The following CEACAM5 variants were observed in gnomAD, a reference collection of about 807,000 sequenced individuals.
CEACAM5 encodes CEA cell adhesion molecule 5.
A neutral mutation model predicts 63.0 loss-of-function variants in CEACAM5; 52 were observed. That is an observed-to-expected ratio of 0.83 (90% confidence interval 0.66 to 1.04). The LOEUF (loss-of-function observed/expected upper bound fraction) is 1.04, where lower values mean the gene tolerates loss of function less well. Ranked by LOEUF, CEACAM5 falls within the 50% of genes least tolerant of loss-of-function variation. The probability of loss-of-function intolerance (pLI) is 0.00; values close to 1 mark genes in which losing one functional copy is unlikely to be tolerated. For synonymous variants in CEACAM5, 357 were observed against 351.3 expected (o/e 1.02, Z -0.18); for missense variants, 790 against 864.8 (o/e 0.91, Z 1.08).
rs1393015249 is a variant in CEACAM5, at chr19:41,715,585, C to T, written c.704-65C>T. 7 of 1,592,940 alleles carry T rather than the reference C, an allele frequency of 4.4e-6. No individual in the cohort carries two copies. The Admixed American group carries it at 1.0e-4, about 23-fold the overall frequency. On this transcript the variant is annotated intron_variant, in intron 3 of 9. Transcript: ENST00000221992. ...GCTTAGAGGGACACTGTGGTCCTTC[C>T]ATAGACCAGGAACTTCCACTTCCCT...
chr19:41,715,669 C>A lies in CEACAM5; in HGVS notation c.723C>A (p.Thr241=), dbSNP rs139219178. Residue 241 remains threonine (T), a synonymous_variant, in exon 4 of 10, where the codon ACC becomes ACA. Transcript: ENST00000221992. ...CTCCAGATGGCCCGGATGCCCCCAC[C>A]ATTTCCCCTCTAAACACATCTTACA... ...LNVLYGPDAP[T]ISPLNTSYRS... 7 of 1,614,078 alleles carry A rather than the reference C, an allele frequency of 4.3e-6. No homozygotes were observed. Among genetic ancestry groups the A allele is most frequent in the African/African-American group, 2.7e-5 (2 of 74,918 alleles).
intron 8 of CEACAM5, among the ~76,000 whole-genome samples, chr19:41,726,629 C>T (rs117700915): frequency 1.2e-4 from 18 of 152,122 alleles, no homozygotes; most frequent in Admixed American, 7.9e-4. Flanking sequence ...CCTCAGACCA[C>T]GATGCAGATC....
chr19:41,725,559 C>T (rs1188800867), intron 8 of CEACAM5, among the ~76,000 whole-genome samples: 1 of 151,898 alleles, frequency 6.6e-6, no homozygotes, highest in Non-Finnish European at 1.5e-5. Flanking sequence ...ATTTTGTAGA[C>T]ACTGTGTCTG....
chr19:41,717,742 C>G lies in CEACAM5; in HGVS notation c.1237+9C>G. Reference sequence around the variant, plus strand: ...CATCCTGAATGTCCTCTGTGAGTATCTTCTGTTCCTCTGTGGCTCAGGCTG... The same window carrying G: ...CATCCTGAATGTCCTCTGTGAGTATGTTCTGTTCCTCTGTGGCTCAGGCTG... On this transcript the variant is annotated intron_variant, in intron 5 of 9. Transcript: ENST00000221992. 1 of 1,612,258 alleles carries G rather than the reference C, an allele frequency of 6.2e-7. No individual in the cohort carries two copies. The highest frequency in any genetic ancestry group is 8.5e-7 in the Non-Finnish European group (1 of 1,178,536).
chr19:41,710,223 A>C (rs1364046199), intron 2 of CEACAM5, 184 bp downstream of exon 2: 1 of 971,222 alleles, frequency 1.0e-6, no homozygotes, highest in African/African-American at 1.6e-5. Flanking sequence ...CCTTTCCGGC[A>C]TCCAGACCCT....
chr19:41,714,558 A>G (rs191911257), intron 2 of CEACAM5, among the ~76,000 whole-genome samples: 1 of 152,228 alleles, frequency 6.6e-6, no homozygotes, highest in African/African-American at 2.4e-5. Context: ...AAGGGAAACC[A>G]CAGAAAAAAT....
intron 8 of CEACAM5, among the ~76,000 whole-genome samples, chr19:41,724,976 A>T (rs2072678085): frequency 6.6e-6 from 1 of 151,966 alleles, no homozygotes; most frequent in South Asian, 2.1e-4. Flanking sequence ...TCTGGCTAGG[A>T]CTTCTAATAC....
chr19:41,726,629 C>G (rs117700915), intron 8 of CEACAM5, among the ~76,000 whole-genome samples: 281 of 152,240 alleles, frequency 1.8e-3, no homozygotes, highest in Admixed American at 5.6e-3. Context: ...CCTCAGACCA[C>G]GATGCAGATC....
intron 8 of CEACAM5, among the ~76,000 whole-genome samples, chr19:41,725,048 G>T (rs2072679113): frequency 6.6e-6 from 1 of 152,188 alleles, no homozygotes; most frequent in Non-Finnish European, 1.5e-5. Flanking sequence ...TACAGGGAAA[G>T]CTTTCAGTCT....
At position 41,718,138 on chromosome 19, in the gene CEACAM5, C is replaced by T. The variant is rs199557633; in HGVS notation, c.1248C>T (p.Asp416=). ...TTCTCTTTGCTCCAGATGGCCCAGA[C>T]GACCCCACCATTTCCCCCTCATACA... The part of the protein sequence containing the change: ...PVILNVLYGP[D]DPTISPSYTY... The change falls in exon 6 of 10, where the codon GAC becomes GAT. Residue 416 remains aspartate (D), a synonymous_variant. Transcript: ENST00000221992. 3.7e-5 allele frequency: 60 copies of T among 1,614,046 alleles called. No homozygotes were observed. The highest frequency in any genetic ancestry group is 1.6e-4 in the Middle Eastern group (1 of 6,084).
chr19:41,710,266 A>G (rs148007737), intron 2 of CEACAM5, among the ~76,000 whole-genome samples: 70 of 152,292 alleles, frequency 4.6e-4, no homozygotes, highest in African/African-American at 1.6e-3. Context: ...GGACAGTCTG[A>G]TGTGGGGGAC....
intron 4 of CEACAM5, 90 bp downstream of exon 4, chr19:41,715,994 A>C (rs1244801827): frequency 3.6e-5 from 54 of 1,491,702 alleles, no homozygotes; most frequent in Non-Finnish European, 4.9e-5. Context: ...TTTCTATCCC[A>C]GCCTGTGTCC....
At chr19:41,721,600 G>A (rs547422340) in intron 8 of CEACAM5, among the ~76,000 whole-genome samples, 1 of 152,378 alleles carries the variant, frequency 6.6e-6, no homozygotes, top group African/African-American at 2.4e-5. Flanking sequence ...TTCCCCAAAT[G>A]AGAGGAGGAA....
chr19:41,710,151 T>C, intron 2 of CEACAM5, 112 bp downstream of exon 2: 1 of 1,463,920 alleles, frequency 6.8e-7, no homozygotes. Context: ...CGCACCATGT[T>C]AGGGTTTGGG....
intron 8 of CEACAM5, among the ~76,000 whole-genome samples, chr19:41,722,970 C>G (rs2072647007): frequency 1.3e-5 from 2 of 152,080 alleles, no homozygotes; most frequent in African/African-American, 2.4e-5. Flanking sequence ...TGCACTGGCG[C>G]GATCTCGGCT....
intron 2 of CEACAM5, among the ~76,000 whole-genome samples, chr19:41,712,823 T>G (rs765858465): frequency 6.6e-6 from 1 of 152,206 alleles, no homozygotes; most frequent in Non-Finnish European, 1.5e-5. Context: ...TGGAAAAAAT[T>G]TAATGTTTCC....
chr19:41,709,558 A>T, intron 1 of CEACAM5, 122 bp from the exon 2 acceptor site: 1 of 1,458,136 alleles, frequency 6.9e-7, no homozygotes. Flanking sequence ...ACACACACAC[A>T]CACACACACT....
Position 41,727,233 on chromosome 19 carries a change from G to A in CEACAM5, c.2027-1G>A. On this transcript the variant is annotated splice_acceptor_variant, in intron 8 of 9. Coordinates refer to ENST00000221992, the MANE Select transcript of CEACAM5 (RefSeq NM_004363.6). LOFTEE classifies it high-confidence loss of function. The stretch of plus-strand genomic sequence containing the variant: ...TTTTCTTTCCATGACGGACGATTCA[G>A]CATCTGGAACTTCTCCTGGTCTCTC... 6.2e-7 allele frequency: 1 copy of A among 1,611,186 alleles called. No individual in the cohort carries two copies. Among genetic ancestry groups the A allele is most frequent in the Non-Finnish European group, 8.5e-7 (1 of 1,177,282 alleles).
Position 41,715,952 on chromosome 19 carries a change from G to A in CEACAM5, c.958+48G>A, listed in dbSNP as rs782657655. 5.7e-6 allele frequency: 9 copies of A among 1,588,214 alleles called. No homozygotes were observed. In the South Asian group the frequency reaches 9.1e-5, roughly 16 times the overall value. ...GACATCATGTTTTGAGGTGGAGTCT[G>A]TCTGGTTTTCAAACAAGAGCCAGGA... On this transcript the variant is annotated intron_variant, in intron 4 of 9. Transcript: ENST00000221992.
Sources: gnomAD v4.1 joint callset for allele counts (sites outside exome capture counted in the v4.1 genomes callset) on GRCh38, gnomAD v4.1.1 for gene constraint, MANE v1.5 for transcripts, NCBI Gene and HGNC (gene_info 2026-07-23, HGNC 2026-07-21) for gene names.